The following C1QTNF2 variants were observed in gnomAD, a reference collection of about 807,000 sequenced individuals.
C1QTNF2 encodes complement C1q tumor necrosis factor-related protein 2.
C1QTNF2 carries 15 observed loss-of-function variants against 17.4 expected under a neutral mutation model. The ratio of observed to expected loss-of-function variants is 0.86; its 90% CI spans 0.58 to 1.33. The LOEUF (loss-of-function observed/expected upper bound fraction) is 1.33. Ranked by LOEUF, C1QTNF2 falls within the 40% of genes most tolerant of loss-of-function variation. C1QTNF2 has a pLI of 0.00. For synonymous variants in C1QTNF2, 154 were observed against 163.3 expected (o/e 0.94, Z 0.44); for missense variants, 381 against 392.3 (o/e 0.97, Z 0.24).
chr5:160,355,139 T>C, intron 1 of C1QTNF2, 119 bp from the exon 2 acceptor site: 1 of 1,421,530 alleles, frequency 7.0e-7, no homozygotes, highest in Non-Finnish European at 9.2e-7. Context: ...TTCTGTCTCT[T>C]GCTCTTTCCT....
intron 1 of C1QTNF2, among the ~76,000 whole-genome samples, chr5:160,365,311 G>A (rs1764226984): frequency 6.6e-6 from 1 of 152,208 alleles, no homozygotes; most frequent in African/African-American, 2.4e-5. Context: ...CTTTGAAGGG[G>A]ACAGGGAGAA....
At chr5:160,370,005 G>A (rs1764320487) in intron 1 of C1QTNF2, among the ~76,000 whole-genome samples, 1 of 152,184 alleles carries the variant, frequency 6.6e-6, no homozygotes, top group African/African-American at 2.4e-5. Context: ...AAGGTTAAGT[G>A]AAATAATGCA....
In C1QTNF2 at chr5:160,351,892, G is replaced by A. The variant is rs1435719094; in HGVS notation, c.245-2111C>T. Among the ~76,000 whole-genome samples the A allele has an allele frequency of 7.4e-5, 11 of 149,326 alleles. No homozygotes were observed. The East Asian group carries it at 1.2e-3, about 16-fold the overall frequency. On this transcript the variant is annotated intron_variant, in intron 2 of 2. Transcript: ENST00000652664. ...AAGGTGGGAAAAGGGGCCAAGAGAA[G>A]AGGAATAGAGACAGAATCTTTTTTT...
chr5:160,348,510 T>C lies in C1QTNF2; in HGVS notation c.*658A>G, dbSNP rs1389153491. Reference sequence around the variant, plus strand: ...GAGACCTCTTTTCGAGGCCTTTGTGTTGCTCTATTTCCTTCTTTGGAACTC... The same window carrying C: ...GAGACCTCTTTTCGAGGCCTTTGTGCTGCTCTATTTCCTTCTTTGGAACTC... On this transcript the variant is annotated 3_prime_UTR_variant, in exon 3 of 3. Transcript: ENST00000652664. 3 of 152,318 alleles carry C rather than the reference T, an allele frequency of 2.0e-5. No homozygotes were observed. The highest frequency in any genetic ancestry group is 1.3e-4 in the Admixed American group (2 of 15,290). 9.4% of individuals were successfully genotyped at this position (152,318 alleles called of 1,614,324 possible). A position where few individuals can be genotyped will look rare whatever the true frequency, so the allele number is the denominator to read the frequency against.
intron 1 of C1QTNF2, among the ~76,000 whole-genome samples, chr5:160,363,989 T>C (rs1361874580): frequency 5.3e-5 from 8 of 152,048 alleles, no homozygotes; most frequent in African/African-American, 1.9e-4. Flanking sequence ...AATAGGAAAA[T>C]GACGCAAGTC....
At position 160,351,459 on chromosome 5, in the gene C1QTNF2, G is replaced by A. The variant is rs1016034216; in HGVS notation, c.245-1678C>T. ...TGTAGGCATTTCACTGTGTTTTAGA[G>A]TTTTGAGTTAATCTGTAATGCATCT... On this transcript the variant is annotated intron_variant, in intron 2 of 2. Coordinates refer to ENST00000652664, the MANE Select transcript of C1QTNF2 (RefSeq NM_031908.6). Among the ~76,000 whole-genome samples, 3 of 152,214 alleles carry A rather than the reference G, an allele frequency of 2.0e-5. No individual in the cohort carries two copies. The South Asian group carries it at 6.2e-4, about 32-fold the overall frequency.
intron 1 of C1QTNF2, among the ~76,000 whole-genome samples, chr5:160,359,252 C>T (rs1275649583): frequency 1.3e-5 from 2 of 152,184 alleles, no homozygotes; most frequent in African/African-American, 2.4e-5. Context: ...CTGTGTGCCT[C>T]TGAAAACTAT....
At chr5:160,364,625 C>T (rs555991848) in intron 1 of C1QTNF2, among the ~76,000 whole-genome samples, 9 of 152,294 alleles carry the variant, frequency 5.9e-5, no homozygotes, top group African/African-American at 2.2e-4. Flanking sequence ...GTCCTGCATG[C>T]ATTTCAGGTA....
chr5:160,362,218 C>G (rs1023589314), intron 1 of C1QTNF2, among the ~76,000 whole-genome samples: 3 of 152,090 alleles, frequency 2.0e-5, no homozygotes, highest in Non-Finnish European at 2.9e-5. Flanking sequence ...CCCACTGGAC[C>G]CAACATGTTG....
rs144874886 is a variant in C1QTNF2 at position 160,366,348 on chromosome 5, A to T, written c.-10+4164T>A. 4.0e-3 allele frequency among the ~76,000 whole-genome samples: 602 copies of T among 152,338 alleles called. 6 individuals carry two copies. The highest frequency in any genetic ancestry group is 0.013 in the African/African-American group (555 of 41,556). On this transcript the variant is annotated intron_variant, in intron 1 of 2. Coordinates refer to ENST00000652664, the MANE Select transcript of C1QTNF2 (RefSeq NM_031908.6). Reference sequence around the variant, plus strand: ...TGAATATTTAATGAGATAATGCAGCAACCAGCCCACAGTAAGCACTCAGTA... The same window carrying T: ...TGAATATTTAATGAGATAATGCAGCTACCAGCCCACAGTAAGCACTCAGTA...
At chr5:160,365,847 T>C (rs997382687) in intron 1 of C1QTNF2, among the ~76,000 whole-genome samples, 10 of 152,246 alleles carry the variant, frequency 6.6e-5, no homozygotes. Context: ...TGTAAGGCAG[T>C]GTGAATTGTA....
Position 160,347,948 on chromosome 5 carries a change from T to C in C1QTNF2, c.*1220A>G, listed in dbSNP as rs1763833088. On this transcript the variant is annotated 3_prime_UTR_variant, in exon 3 of 3. Coordinates refer to ENST00000652664, the MANE Select transcript of C1QTNF2 (RefSeq NM_031908.6). ...CTAATTTTTGTATTTTTTTAGACGA[T>C]GTTTTGCCATGTTGGTCAGGCTGGT... The C allele has an allele frequency of 6.6e-6, 1 of 151,980 alleles. No homozygotes were observed. The highest frequency in any genetic ancestry group is 2.4e-5 in the African/African-American group (1 of 41,376). The allele number at this position is 151,980 out of a possible 1,614,324, so 9.4% of individuals were successfully genotyped here.
intron 1 of C1QTNF2, among the ~76,000 whole-genome samples, chr5:160,366,350 C>A (rs1409409633): frequency 2.0e-5 from 3 of 152,168 alleles, no homozygotes; most frequent in Admixed American, 6.5e-5. Flanking sequence ...AATGCAGCAA[C>A]CAGCCCACAG....
rs565714524 is a variant in C1QTNF2 at position 160,352,685 on chromosome 5, C to G, written c.244+2083G>C. ...TTGGAGCACATGTCCAGACCTGAGT[C>G]TGCCGCCGTGGTCAGGAAATTGGAT... On this transcript the variant is annotated intron_variant, in intron 2 of 2. Coordinates refer to ENST00000652664, the MANE Select transcript of C1QTNF2 (RefSeq NM_031908.6). 6.6e-5 allele frequency among the ~76,000 whole-genome samples: 10 copies of G among 152,340 alleles called. No homozygotes were observed. The South Asian group carries it at 1.9e-3, about 28-fold the overall frequency.
chr5:160,353,773 C>G (rs898736240), intron 2 of C1QTNF2, among the ~76,000 whole-genome samples: 1 of 125,748 alleles, frequency 8.0e-6, no homozygotes, highest in Non-Finnish European at 1.6e-5. Flanking sequence ...GAGCTTGGCT[C>G]TTGGACTTCT....
chr5:160,360,678 G>A (rs570810179), intron 1 of C1QTNF2, among the ~76,000 whole-genome samples: 3 of 152,254 alleles, frequency 2.0e-5, no homozygotes, highest in Non-Finnish European at 4.4e-5. Flanking sequence ...TTCTGGGGGT[G>A]GGAAGGTGTT....
At chr5:160,353,186 T>C (rs957210421) in intron 2 of C1QTNF2, among the ~76,000 whole-genome samples, 3 of 152,122 alleles carry the variant, frequency 2.0e-5, no homozygotes, top group East Asian at 3.9e-4. Flanking sequence ...ACGATATGGA[T>C]GGTCAGATGG....
intron 1 of C1QTNF2, among the ~76,000 whole-genome samples, chr5:160,360,423 T>C (rs1764132281): frequency 2.0e-5 from 3 of 152,236 alleles, no homozygotes; most frequent in Admixed American, 2.0e-4. Context: ...CACCCCTTGA[T>C]ACAAATCTGT....
intron 1 of C1QTNF2, among the ~76,000 whole-genome samples, chr5:160,361,684 G>C (rs532468292): frequency 6.6e-6 from 1 of 152,180 alleles, no homozygotes; most frequent in East Asian, 1.9e-4. Flanking sequence ...CACTGTAAAC[G>C]CTCCACGGTT....
Sources: allele counts gnomAD v4.1 joint callset (sites outside exome capture counted in the v4.1 genomes callset), GRCh38; gene constraint gnomAD v4.1.1; transcripts MANE v1.5; gene names NCBI Gene and HGNC (gene_info 2026-07-23, HGNC 2026-07-21).